The following PCDHGA10 variants were observed in gnomAD, a reference collection of about 807,000 sequenced individuals.
The protein encoded by PCDHGA10 is protocadherin gamma-A10.
In PCDHGA10, 42 loss-of-function variants were observed where a neutral mutation model predicts 59.5. That is an observed-to-expected ratio of 0.71 (90% CI 0.55 to 0.91). PCDHGA10 has a LOEUF of 0.91. Among genes scored for constraint, PCDHGA10 ranks in the 40% least tolerant of loss-of-function variants. The pLI, the probability that PCDHGA10 is intolerant of heterozygous loss-of-function variation, is 0.00. For missense variants in PCDHGA10, 1,111 were observed against 1,198.2 expected, an observed-to-expected ratio of 0.93 and a Z score of 1.07; for synonymous variants, 511 against 517.2, an observed-to-expected ratio of 0.99 and a Z score of 0.16.
chr5:141,417,711 C>A, intron 1 of PCDHGA10: 1 of 1,261,876 alleles, frequency 7.9e-7, no homozygotes, highest in Non-Finnish European at 1.1e-6. Flanking sequence ...CACAGAGGCT[C>A]CCGGCTGCGC....
Position 141,487,928 on chromosome 5 carries a change from A to G in PCDHGA10, c.2437-6879A>G. Reference sequence around the variant, plus strand: ...GGGAGCACAGGAGGCTACAGTGCACAGGGTACAGTGCACCAGGCAGTCACT... The same window carrying G: ...GGGAGCACAGGAGGCTACAGTGCACGGGGTACAGTGCACCAGGCAGTCACT... On this transcript the variant is annotated intron_variant, in intron 1 of 3. Transcript: ENST00000398610. The surrounding 1 kb of genome is among the most constrained non-coding windows in gnomAD (Gnocchi z 5.0). The G allele has an allele frequency of 3.2e-6, 2 of 620,886 alleles. No homozygotes were observed. The highest frequency in any genetic ancestry group is 5.6e-6 in the Non-Finnish European group (2 of 355,916). The allele number at this position is 620,886 out of a possible 1,614,324, so 38.5% of individuals were successfully genotyped here. A position where few individuals can be genotyped will look rare whatever the true frequency, so the allele number is the denominator to read the frequency against.
chr5:141,465,049 T>G (rs546927594), intron 1 of PCDHGA10, among the ~76,000 whole-genome samples: 1 of 152,016 alleles, frequency 6.6e-6, no homozygotes, highest in Non-Finnish European at 1.5e-5. Flanking sequence ...ACCCTATATA[T>G]TTTTTTGAAT....
At chr5:141,448,639 T>C (rs1248697237) in intron 1 of PCDHGA10, among the ~76,000 whole-genome samples, 1 of 152,148 alleles carries the variant, frequency 6.6e-6, no homozygotes, top group Non-Finnish European at 1.5e-5. Context: ...CATTATATCC[T>C]TTAAAAATAT....
intron 1 of PCDHGA10, chr5:141,419,395 G>A: frequency 6.2e-7 from 1 of 1,613,596 alleles, no homozygotes; most frequent in Non-Finnish European, 8.5e-7. Context: ...CGCAGAGCGG[G>A]GTGGTGTTCG....
At position 141,430,830 on chromosome 5, in the gene PCDHGA10, G is replaced by A. The variant is rs754181300; in HGVS notation, c.2436+15219G>A. The stretch of plus-strand genomic sequence containing the variant: ...CTGGGAATCCTCCTGGGGACTCTGT[G>A]GGAGACCGGATGCACCCAGATACGC... On this transcript the variant is annotated intron_variant, in intron 1 of 3. Coordinates refer to ENST00000398610, the MANE Select transcript of PCDHGA10 (RefSeq NM_018913.3). 8 of 1,554,850 alleles carry A rather than the reference G, an allele frequency of 5.1e-6. No homozygotes were observed. The East Asian group carries it at 1.6e-4, about 31-fold the overall frequency.
chr5:141,461,902 C>A (rs1477274695), intron 1 of PCDHGA10, among the ~76,000 whole-genome samples: 1 of 152,116 alleles, frequency 6.6e-6, no homozygotes, highest in African/African-American at 2.4e-5. Flanking sequence ...CGGCTCACTG[C>A]AACCTCTGCC....
At chr5:141,453,517 C>T (rs1001603927) in intron 1 of PCDHGA10, among the ~76,000 whole-genome samples, 1 of 152,062 alleles carries the variant, frequency 6.6e-6, no homozygotes, top group African/African-American at 2.4e-5. Context: ...TCATTCCTCC[C>T]CTATACCTTC....
rs76825883 is a variant in PCDHGA10, at chr5:141,433,317, C to T, written c.2436+17706C>T. The T allele has an allele frequency of 1.4e-3, 1,163 of 830,944 alleles. 6 individuals are homozygous for T. In the African/African-American group the frequency reaches 0.015, roughly 11 times the overall value. 51.5% of individuals were successfully genotyped at this position (830,944 alleles called of 1,614,324 possible). A position where few individuals can be genotyped will look rare whatever the true frequency, so the allele number is the denominator to read the frequency against. On this transcript the variant is annotated intron_variant, in intron 1 of 3. Transcript: ENST00000398610. ...CAAGCAATTATCCCACCTTTGCCTC[C>T]GGTGTAACAGGGACTACAGGTGCAA... is the stretch of plus-strand genomic sequence containing the variant.
Position 141,487,291 on chromosome 5 carries a change from C to T in PCDHGA10, c.2437-7516C>T, listed in dbSNP as rs748961925. The stretch of plus-strand genomic sequence containing the variant: ...TGGCAATTTGCTTTGTCTCCTTTGG[C>T]TCATTCGTGGCACTACTCTCTAAGT... On this transcript the variant is annotated intron_variant, in intron 1 of 3. Transcript: ENST00000398610. This position sits in a 1 kb window ranked among gnomAD's most constrained non-coding sequence, Gnocchi z 5.0. The T allele has an allele frequency of 1.9e-5, 30 of 1,614,036 alleles. No homozygotes were observed. Among genetic ancestry groups the T allele is most frequent in the Non-Finnish European group, 2.5e-5 (30 of 1,180,020 alleles).
intron 1 of PCDHGA10, chr5:141,417,739 C>T: frequency 6.4e-6 from 9 of 1,411,706 alleles, no homozygotes; most frequent in Non-Finnish European, 5.6e-6. Flanking sequence ...GCCCAGCACA[C>T]CAGATTGCCA....
chr5:141,434,027 G>A (rs887125944), intron 1 of PCDHGA10, among the ~76,000 whole-genome samples: 3 of 152,130 alleles, frequency 2.0e-5, no homozygotes, highest in Non-Finnish European at 2.9e-5. Flanking sequence ...GATTCTGGAA[G>A]CATGGTTTTC....
chr5:141,499,616 C>T (rs538268323), intron 2 of PCDHGA10, among the ~76,000 whole-genome samples: 2 of 152,058 alleles, frequency 1.3e-5, no homozygotes, highest in South Asian at 4.2e-4. Context: ...CTTATCCTGT[C>T]CTTGGATTCT....
At chr5:141,423,783 A>G in intron 1 of PCDHGA10, 1 of 1,264,712 alleles carries the variant, frequency 7.9e-7, no homozygotes, top group South Asian at 1.9e-5. Context: ...TATTTAGTTC[A>G]TATATATTTA....
intron 1 of PCDHGA10, among the ~76,000 whole-genome samples, chr5:141,458,988 C>G (rs996478276): frequency 6.6e-6 from 1 of 152,208 alleles, no homozygotes; most frequent in African/African-American, 2.4e-5. Flanking sequence ...CTGCCTCACC[C>G]TCCCAAAGTG....
rs1458508114 is a variant in PCDHGA10, at chr5:141,489,523, C to T, written c.2437-5284C>T. ...GAATCAAAAGATTGACCGAGAAAGC[C>T]TATGTGGAGCCAGCACCAGCTGCCT... On this transcript the variant is annotated intron_variant, in intron 1 of 3. Transcript: ENST00000398610. This position sits in a 1 kb window ranked among gnomAD's most constrained non-coding sequence, Gnocchi z 4.5. The T allele has an allele frequency of 3.5e-5, 56 of 1,614,006 alleles. No homozygotes were observed. The highest frequency in any genetic ancestry group is 4.5e-5 in the Non-Finnish European group (53 of 1,180,044).
At chr5:141,424,959 C>A (rs1561817087) in intron 1 of PCDHGA10, among the ~76,000 whole-genome samples, 4 of 152,152 alleles carry the variant, frequency 2.6e-5, no homozygotes, top group Non-Finnish European at 5.9e-5. Flanking sequence ...TAGGTATTTG[C>A]CCCAAATTAC....
Position 141,511,040 on chromosome 5 carries a change from C to T in PCDHGA10, c.2678C>T (p.Pro893Leu), listed in dbSNP as rs770767470. The T allele has an allele frequency of 6.2e-7, 1 of 1,614,216 alleles. No individual in the cohort carries two copies. The highest frequency in any genetic ancestry group is 1.7e-5 in the Admixed American group (1 of 60,034). Reference protein sequence around the residue: ...YGPQFTLQHVPDYRQNVYIPG... With the variant: ...YGPQFTLQHVLDYRQNVYIPG... ...CCCCAGTTCACCCTGCAGCACGTGC[C>T]CGACTACCGCCAGAATGTCTACATC... Residue 893 changes from proline (P) to leucine (L), a missense_variant, in exon 4 of 4, where the codon CCC becomes CTC. Physicochemically the swap from Pro to Leu is moderately conservative, Grantham distance 98. Transcript: ENST00000398610.
chr5:141,446,251 A>G (rs979768028), intron 1 of PCDHGA10, among the ~76,000 whole-genome samples: 1 of 152,178 alleles, frequency 6.6e-6, no homozygotes, highest in Admixed American at 6.5e-5. Context: ...ATCTTCAGTG[A>G]AATATTATTA....
rs115808055 is a variant in PCDHGA10 at position 141,476,782 on chromosome 5, A to G, written c.2437-18025A>G. Reference sequence around the variant, plus strand: ...TGACGGCGTTGGACGGAGGGACCCCAGCTCTCTCCGCCAGCCTGCCTATTC... The same window carrying G: ...TGACGGCGTTGGACGGAGGGACCCCGGCTCTCTCCGCCAGCCTGCCTATTC... On this transcript the variant is annotated intron_variant, in intron 1 of 3. Transcript: ENST00000398610. This position sits in a 1 kb window ranked among gnomAD's most constrained non-coding sequence, Gnocchi z 7.6. 18,517 of 1,613,566 alleles carry G rather than the reference A, an allele frequency of 0.011. 139 individuals are homozygous for G. Among genetic ancestry groups the G allele is most frequent in the Non-Finnish European group, 0.014 (16,976 of 1,179,996 alleles).
Sources: gnomAD v4.1 joint callset for allele counts (sites outside exome capture counted in the v4.1 genomes callset) on GRCh38, gnomAD v4.1.1 for gene constraint, Gnocchi (gnomAD v3.1) non-coding constraint, MANE v1.5 for transcripts, NCBI Gene and HGNC (gene_info 2026-07-23, HGNC 2026-07-21) for gene names.